Variants in DNAH17 observed in about 807,000 individuals in gnomAD.
The protein encoded by DNAH17 is dynein axonemal heavy chain 17, also known as axonemal beta dynein heavy chain 17.
Under a neutral mutation model 485.6 loss-of-function variants are expected in DNAH17, and 376 were observed. That is an observed-to-expected ratio of 0.77 (90% CI 0.71 to 0.84). The LOEUF (loss-of-function observed/expected upper bound fraction) is 0.84. DNAH17 is among the 40% of genes least tolerant of loss of function. The pLI, the probability that DNAH17 is intolerant of heterozygous loss-of-function variation, is 0.00. For synonymous variants in DNAH17, 3,031 were observed against 2,405.9 expected (o/e 1.26, Z -7.60); for missense variants, 6,370 against 5,839.3 (o/e 1.09, Z -2.96).
rs113582926 is a variant in DNAH17 at position 78,485,908 on chromosome 17, C to T, written c.7275+52G>A. 76 of 1,593,902 alleles carry T rather than the reference C, an allele frequency of 4.8e-5. No homozygotes were observed. In the East Asian group the frequency reaches 7.8e-4, roughly 16 times the overall value. On this transcript the variant is annotated intron_variant, in intron 46 of 80. Transcript: ENST00000389840. ...TGCAGGCGTGTGGAGGGTACTGCAC[C>T]GATTCCTGCCTCTAAATCACCAGTC...
chr17:78,503,822 C>A (rs532359444), intron 31 of DNAH17, among the ~76,000 whole-genome samples: 2 of 151,838 alleles, frequency 1.3e-5, no homozygotes, highest in African/African-American at 4.8e-5. Context: ...AAAAATTAGC[C>A]GGGCACGGTG....
chr17:78,443,488 A>G (rs1377009252), intron 71 of DNAH17, among the ~76,000 whole-genome samples: 1 of 152,104 alleles, frequency 6.6e-6, no homozygotes, highest in Non-Finnish European at 1.5e-5. Context: ...GGAGGAAAAC[A>G]AGGCAAAACT....
At chr17:78,518,032 C>G (rs190522465) in intron 25 of DNAH17, among the ~76,000 whole-genome samples, 3 of 152,182 alleles carry the variant, frequency 2.0e-5, no homozygotes, top group African/African-American at 7.2e-5. Flanking sequence ...CAGAATCACT[C>G]TAAATAAATC....
intron 56 of DNAH17, among the ~76,000 whole-genome samples, chr17:78,465,496 CCCGGCCG>C (rs1476694565): frequency 6.7e-4 from 14 of 21,040 alleles, no homozygotes; most frequent in Non-Finnish European, 2.8e-3. Context: ...AACACCTCTT[CCCGGCCG>C]CCATCACATC....
At chr17:78,537,160 A>G in intron 19 of DNAH17, 139 bp downstream of exon 19, 1 of 1,002,386 alleles carries the variant, frequency 1.0e-6, no homozygotes, top group Non-Finnish European at 1.4e-6. Context: ...CCTGGGCGAC[A>G]GAGTGAGATT....
At position 78,462,886 on chromosome 17, in the gene DNAH17, C is replaced by T. The variant is rs370355653; in HGVS notation, c.9132G>A (p.Arg3044=). 2.2e-5 allele frequency: 35 copies of T among 1,613,840 alleles called. No homozygotes were observed. Among genetic ancestry groups the T allele is most frequent in the Non-Finnish European group, 3.0e-5 (35 of 1,179,902 alleles). ...GCAGCTTCATCAGGCCGTTCTCCAG[C>T]CTCTCGATTTTGGCAACAAGTTCCG... ...KRTELVAKIE[R]LENGLMKLQS... is the part of the protein sequence containing the mutation. The change falls in exon 57 of 81, where the codon AGG becomes AGA. Residue 3044 remains arginine (R), a synonymous_variant. Coordinates refer to ENST00000389840, the MANE Select transcript of DNAH17 (RefSeq NM_173628.4).
Position 78,484,811 on chromosome 17 carries a change from G to A in DNAH17, c.7649+57C>T, listed in dbSNP as rs904055948. On this transcript the variant is annotated intron_variant, in intron 48 of 80. Transcript: ENST00000389840. ...CCGCCTCTTCCTGCGCCCCGCCCTG[G>A]CCCCGCCCTCACCGCCCCGGGGCCA... is the stretch of plus-strand genomic sequence containing the variant. 5 of 1,306,814 alleles carry A rather than the reference G, an allele frequency of 3.8e-6. No individual in the cohort carries two copies. The African/African-American group carries it at 7.9e-5, about 21-fold the overall frequency. 81.0% of individuals were successfully genotyped at this position (1,306,814 alleles called of 1,614,324 possible). A position where few individuals can be genotyped will look rare whatever the true frequency, so the allele number is the denominator to read the frequency against.
In DNAH17 at chr17:78,482,424, C is replaced by T. The variant is rs115819423; in HGVS notation, c.7650-1638G>A. Among the ~76,000 whole-genome samples the T allele has an allele frequency of 6.2e-3, 940 of 152,316 alleles. 9 individuals are homozygous for T. Among genetic ancestry groups the T allele is most frequent in the African/African-American group, 0.021 (882 of 41,562 alleles). ...TATATTTCAGATATTAATCCACTGT[C>T]AATTTTATACATTGCAAATGTTTTC... On this transcript the variant is annotated intron_variant, in intron 48 of 80. Coordinates refer to ENST00000389840, the MANE Select transcript of DNAH17 (RefSeq NM_173628.4).
intron 25 of DNAH17, chr17:78,522,137 T>TA (rs2090950221): frequency 6.3e-6 from 1 of 157,886 alleles, no homozygotes; most frequent in African/African-American, 2.4e-5. Flanking sequence ...AATTTAACAG[T>TA]AAAAAACTTA....
Position 78,425,431 on chromosome 17 carries a change from C to T in DNAH17, c.13056G>A (p.Leu4352=). ...GGTTTTTCTTGGTCACCTCGACAGA[C>T]AGACACATCTTGTCCAGGGGCCACT... ...KNEWPLDKMC[L]SVEVTKKNRE... Residue 4352 remains leucine (L), a synonymous_variant, in exon 80 of 81, where the codon CTG becomes CTA. Coordinates refer to ENST00000389840, the MANE Select transcript of DNAH17 (RefSeq NM_173628.4). The T allele has an allele frequency of 1.9e-6, 3 of 1,614,006 alleles. No individual in the cohort carries two copies. The highest frequency in any genetic ancestry group is 2.2e-5 in the East Asian group (1 of 44,882).
chr17:78,570,893 A>AAAAAAAAAAAAC, intron 6 of DNAH17, 55 bp downstream of exon 6: 1 of 977,430 alleles, frequency 1.0e-6, no homozygotes, highest in Non-Finnish European at 1.5e-6. Context: ...AAAGAAAAGA[A>AAAAAAAAAAAAC]AAGAAAAGAA....
Position 78,495,895 on chromosome 17 carries a change from C to T in DNAH17, c.5883G>A (p.Glu1961=), listed in dbSNP as rs1194569182. The T allele has an allele frequency of 1.2e-6, 2 of 1,613,552 alleles. No individual in the cohort carries two copies. The highest frequency in any genetic ancestry group is 1.1e-5 in the South Asian group (1 of 91,050). ...PGYAGRAELP[E]NLKALFRPCA... ...CGTACCTGAATAAGGCTTTTAGGTT[C>T]TCAGGCAGCTCCGCGCGTCCGGCGT... Residue 1961 remains glutamate, a synonymous_variant, in exon 38 of 81, where the codon GAG becomes GAA. Transcript: ENST00000389840.
intron 48 of DNAH17, among the ~76,000 whole-genome samples, chr17:78,484,095 CAAAAAAAA>C (rs11290299): frequency 5.2e-4 from 20 of 38,354 alleles, no homozygotes; most frequent in African/African-American, 9.3e-4. Context: ...GATTTCTCCT[CAAAAAAAA>C]AAAAAAAAAA....
chr17:78,538,138 CAAAAAAAAAAA>C (rs60460125), intron 18 of DNAH17, among the ~76,000 whole-genome samples: 1 of 106,290 alleles, frequency 9.4e-6, no homozygotes, highest in Non-Finnish European at 1.8e-5. Context: ...ACTCTGTCTC[CAAAAAAAAAAA>C]AAAAAAAAAA....
chr17:78,441,314 C>T (rs545278277), intron 71 of DNAH17, 115 bp from the exon 72 acceptor site: 61 of 1,156,622 alleles, frequency 5.3e-5, no homozygotes, highest in Middle Eastern at 5.8e-4. Context: ...CTTTCTTCAG[C>T]GGGACAAGGC....
intron 63 of DNAH17, among the ~76,000 whole-genome samples, chr17:78,455,005 G>A (rs528639366): frequency 3.3e-5 from 5 of 152,268 alleles, no homozygotes; most frequent in African/African-American, 1.2e-4. Context: ...TGTCTCTCGA[G>A]TTCAAGAGAT....
chr17:78,468,628 T>G lies in DNAH17; in HGVS notation c.8767A>C (p.Arg2923=), dbSNP rs2088600275. 1 of 1,613,316 alleles carries G rather than the reference T, an allele frequency of 6.2e-7. No individual in the cohort carries two copies. The highest frequency in any genetic ancestry group is 8.5e-7 in the Non-Finnish European group (1 of 1,179,538). Residue 2923 remains arginine (R), a synonymous_variant, in exon 55 of 81, where the codon AGA becomes CGA. Transcript: ENST00000389840. ...CWKFFIEKVR[R]QLKVILCFSP... Reference sequence around the variant, plus strand: ...GACGGGAGCCCCACCTTGAGCTGTCTGCGCACTTTTTCGATGAAGAACTTC... The same window carrying G: ...GACGGGAGCCCCACCTTGAGCTGTCGGCGCACTTTTTCGATGAAGAACTTC...
In DNAH17 at chr17:78,500,294, CG is replaced by C. The variant is rs2090232697; in HGVS notation, c.5640+10del. The C allele has an allele frequency of 6.2e-7, 1 of 1,605,596 alleles. No homozygotes were observed. Among genetic ancestry groups the C allele is most frequent in the African/African-American group, 1.3e-5 (1 of 74,764 alleles). On this transcript the variant is annotated intron_variant, in intron 36 of 80. Coordinates refer to ENST00000389840, the MANE Select transcript of DNAH17 (RefSeq NM_173628.4). ...GACTCTGGGTCCCTCCTCCGGACCC[CG>C]GCCGCGTACCTTGTAGTCCATCTGC...
chr17:78,525,256 TC>T, intron 24 of DNAH17, 95 bp from the exon 25 acceptor site: 1 of 1,501,452 alleles, frequency 6.7e-7, no homozygotes, highest in South Asian at 1.3e-5. Flanking sequence ...CAGTGTGCCC[TC>T]CCTGATAAAC....
Sources: allele counts gnomAD v4.1 joint callset (sites outside exome capture counted in the v4.1 genomes callset), GRCh38; gene constraint gnomAD v4.1.1; transcripts MANE v1.5; gene names NCBI Gene and HGNC (gene_info 2026-07-23, HGNC 2026-07-21).